Variants in DAPK2 observed in about 807,000 individuals in gnomAD.
DAPK2 encodes the protein death-associated protein kinase 2.
DAPK2 carries 35 observed loss-of-function variants against 44.1 expected under a neutral mutation model. The ratio of observed to expected loss-of-function variants is 0.79; its 90% CI spans 0.61 to 1.05. DAPK2 has a LOEUF of 1.05. Among genes scored for constraint, DAPK2 ranks in the 50% least tolerant of loss-of-function variants. The pLI, the probability that DAPK2 is intolerant of heterozygous loss-of-function variation, is 0.00. For missense variants in DAPK2, 453 were observed against 483.2 expected (o/e 0.94, Z 0.59); for synonymous variants, 174 against 182.6 (o/e 0.95, Z 0.38).
At chr15:63,978,673 C>T (rs887138387) in intron 2 of DAPK2, among the ~76,000 whole-genome samples, 1 of 152,182 alleles carries the variant, frequency 6.6e-6, no homozygotes, top group Non-Finnish European at 1.5e-5. Context: ...AACCAAGGAG[C>T]CTGAGTGTCA....
chr15:64,011,579 C>T (rs59033551), intron 1 of DAPK2, among the ~76,000 whole-genome samples: 5,784 of 152,202 alleles, frequency 0.038, 372 homozygotes, highest in African/African-American at 0.13. Context: ...TTATACACTC[C>T]AGGTTGATGC....
At chr15:63,949,640 G>A (rs931420203) in intron 3 of DAPK2, among the ~76,000 whole-genome samples, 1 of 152,212 alleles carries the variant, frequency 6.6e-6, no homozygotes, top group Non-Finnish European at 1.5e-5. Flanking sequence ...CTCACCAGGA[G>A]TTGGCTCCAA....
chr15:64,043,904 C>T (rs1040957164), upstream of DAPK2, among the ~76,000 whole-genome samples: 1 of 152,172 alleles, frequency 6.6e-6, no homozygotes, highest in Non-Finnish European at 1.5e-5. Context: ...TAAGTGTTGG[C>T]TGATTTTAAC....
At chr15:63,944,078 C>A (rs992548422) in intron 3 of DAPK2, among the ~76,000 whole-genome samples, 2 of 152,094 alleles carry the variant, frequency 1.3e-5, no homozygotes, top group African/African-American at 2.4e-5. Flanking sequence ...GCCTCAGGAG[C>A]TCCTGAGCAG....
intron 1 of DAPK2, among the ~76,000 whole-genome samples, chr15:64,007,332 C>T (rs1567269339): frequency 6.6e-6 from 1 of 152,044 alleles, no homozygotes; most frequent in Non-Finnish European, 1.5e-5. Context: ...GGTACAGGGT[C>T]CCCTCAGCCT....
chr15:63,985,015 G>A (rs1157605268), intron 1 of DAPK2, among the ~76,000 whole-genome samples: 9 of 152,162 alleles, frequency 5.9e-5, no homozygotes, highest in Admixed American at 2.0e-4. Flanking sequence ...CTTCAGAGAC[G>A]TTCCCAAACA....
intron 3 of DAPK2, among the ~76,000 whole-genome samples, chr15:63,957,085 T>C (rs1195397782): frequency 2.0e-5 from 3 of 152,246 alleles, no homozygotes; most frequent in African/African-American, 7.2e-5. Flanking sequence ...TGTCCAATGC[T>C]GAAAGCAAGG....
intron 3 of DAPK2, among the ~76,000 whole-genome samples, chr15:63,958,368 T>C (rs2077787708): frequency 1.3e-5 from 2 of 152,234 alleles, no homozygotes; most frequent in Non-Finnish European, 2.9e-5. Context: ...TTAGCTCCCA[T>C]TTGTCAATTT....
chr15:63,982,456 A>G (rs535730880), intron 2 of DAPK2, among the ~76,000 whole-genome samples: 261 of 152,158 alleles, frequency 1.7e-3, no homozygotes, highest in Admixed American at 4.3e-3. Context: ...CCAAAGTGCT[A>G]GGATTACAGG....
chr15:64,039,085 T>C (rs1489529543), intron 1 of DAPK2, among the ~76,000 whole-genome samples: 3 of 152,242 alleles, frequency 2.0e-5, no homozygotes, highest in Non-Finnish European at 4.4e-5. Context: ...GCATATTTGA[T>C]TGATGTCTCC....
chr15:63,915,626 G>A (rs980806420), intron 8 of DAPK2, among the ~76,000 whole-genome samples: 1 of 152,200 alleles, frequency 6.6e-6, no homozygotes, highest in African/African-American at 2.4e-5. Flanking sequence ...GCCCAGCAGT[G>A]CCAGCCACTG....
At chr15:64,016,856 GA>G (rs2141054218) in intron 1 of DAPK2, among the ~76,000 whole-genome samples, 3 of 131,444 alleles carry the variant, frequency 2.3e-5, no homozygotes, top group Non-Finnish European at 5.3e-5. Flanking sequence ...AGGAAGGAAG[GA>G]AGGAAGGAAG....
chr15:63,947,189 C>T (rs2077471493), intron 3 of DAPK2, among the ~76,000 whole-genome samples: 1 of 152,180 alleles, frequency 6.6e-6, no homozygotes, highest in Non-Finnish European at 1.5e-5. Flanking sequence ...CCCTCTCCAC[C>T]CAGTTCCCAC....
At chr15:63,933,130 C>G (rs2077023561) in intron 4 of DAPK2, among the ~76,000 whole-genome samples, 1 of 152,216 alleles carries the variant, frequency 6.6e-6, no homozygotes, top group African/African-American at 2.4e-5. Flanking sequence ...CAGACTGTCA[C>G]TGGTCCAACA....
intron 4 of DAPK2, among the ~76,000 whole-genome samples, chr15:63,931,690 C>G (rs948958443): frequency 6.6e-6 from 1 of 152,084 alleles, no homozygotes; most frequent in East Asian, 1.9e-4. Flanking sequence ...ACGTTTGGAG[C>G]CATCCATGTA....
intron 3 of DAPK2, among the ~76,000 whole-genome samples, chr15:63,965,802 G>A (rs2078038879): frequency 6.6e-6 from 1 of 152,228 alleles, no homozygotes; most frequent in South Asian, 2.1e-4. Context: ...AGACTCTTCA[G>A]TCAGCTTGTG....
chr15:63,907,319 G>C (rs929380292), exon 11 of DAPK2: 1 of 152,128 alleles, frequency 6.6e-6, no homozygotes, highest in African/African-American at 2.4e-5. Context: ...GTGGTACCAA[G>C]GGTTAAGACT....
Position 63,939,258 on chromosome 15 carries a change from T to C in DAPK2, c.557A>G (p.Asn186Ser), listed in dbSNP as rs1018727274. The C allele has an allele frequency of 1.2e-6, 2 of 1,614,056 alleles. No individual in the cohort carries two copies. The highest frequency in any genetic ancestry group is 2.7e-5 in the African/African-American group (2 of 75,018). The change falls in exon 4 of 11, where the codon AAT becomes AGT. Residue 186 changes from asparagine to serine, a missense_variant. By Grantham distance (46) the Asn-to-Ser change is conservative. Coordinates refer to ENST00000261891, the Ensembl canonical transcript of DAPK2. This position sits in a 1 kb window ranked among gnomAD's most constrained non-coding sequence, Gnocchi z 4.3. ...AACAAATTCCGGCGTCCCAAAAATATTCTTAAATTCAACTCCATCTTCTAT... is the reference window on the plus strand; with the variant it reads ...AACAAATTCCGGCGTCCCAAAAATACTCTTAAATTCAACTCCATCTTCTAT...
At chr15:63,992,787 C>T (rs781398610) in intron 1 of DAPK2, among the ~76,000 whole-genome samples, 1 of 152,194 alleles carries the variant, frequency 6.6e-6, no homozygotes, top group Non-Finnish European at 1.5e-5. Context: ...AGGCACCCTT[C>T]CCACCATCTG....
Sources: allele counts gnomAD v4.1 joint callset (sites outside exome capture counted in the v4.1 genomes callset), GRCh38; gene constraint gnomAD v4.1.1; non-coding constraint Gnocchi (gnomAD v3.1); transcripts MANE v1.5; gene names NCBI Gene and HGNC (gene_info 2026-07-23, HGNC 2026-07-21).